The following GPM6A variants were observed in gnomAD, a reference collection of about 807,000 sequenced individuals.
The protein encoded by GPM6A is neuronal membrane glycoprotein M6-a.
In GPM6A, 7 loss-of-function variants were observed where a neutral mutation model predicts 32.1. The ratio of observed to expected loss-of-function variants is 0.22; its 90% CI spans 0.12 to 0.41. The LOEUF (loss-of-function observed/expected upper bound fraction) is 0.41, where lower values mean the gene tolerates loss of function less well. GPM6A is among the 10% of genes least tolerant of loss of function. GPM6A has a pLI of 1.00. For missense variants in GPM6A, 235 were observed against 347.2 expected (o/e 0.68, Z 2.57); for synonymous variants, 130 against 123.4 (o/e 1.05, Z -0.35).
chr4:175,636,150 C>T (rs1169846826), intron 6 of GPM6A, among the ~76,000 whole-genome samples: 1 of 150,758 alleles, frequency 6.6e-6, no homozygotes, highest in African/African-American at 2.4e-5. Context: ...TTTCTGTTTC[C>T]TCTGAAGTTT....
intron 1 of GPM6A, among the ~76,000 whole-genome samples, chr4:175,794,830 C>T (rs886522000): frequency 2.8e-5 from 1 of 35,632 alleles, no homozygotes; most frequent in Admixed American, 4.2e-4. Context: ...AGAAACTTTG[C>T]TTTGGGCCAT....
chr4:175,930,388 TA>T (rs1454211824), intron 1 of GPM6A, among the ~76,000 whole-genome samples: 5 of 138,078 alleles, frequency 3.6e-5, no homozygotes, highest in East Asian at 2.4e-4. Flanking sequence ...AGCTTAAACT[TA>T]AAAAAAAAAT....
At chr4:175,774,958 A>T (rs1733335174) in intron 1 of GPM6A, among the ~76,000 whole-genome samples, 1 of 152,106 alleles carries the variant, frequency 6.6e-6, no homozygotes, top group South Asian at 2.1e-4. Context: ...AATAAACCAG[A>T]CGATCCCAAA....
chr4:175,937,159 G>A (rs904627715), intron 1 of GPM6A, among the ~76,000 whole-genome samples: 1 of 152,046 alleles, frequency 6.6e-6, no homozygotes, highest in Non-Finnish European at 1.5e-5. Context: ...AATTATTAAT[G>A]TGCTTCTTCT....
At chr4:175,958,731 T>G (rs980852326) in intron 1 of GPM6A, among the ~76,000 whole-genome samples, 1 of 152,216 alleles carries the variant, frequency 6.6e-6, no homozygotes, top group Non-Finnish European at 1.5e-5. Context: ...ATCTGTGTTA[T>G]CTACATTGCC....
rs749396742 is a variant in GPM6A at position 175,823,981 on chromosome 4, T to C, written c.-22-11732A>G. Among the ~76,000 whole-genome samples, 11 of 152,206 alleles carry C rather than the reference T, an allele frequency of 7.2e-5. 1 individual carries two copies. Among genetic ancestry groups the C allele is most frequent in the Non-Finnish European group, 1.6e-4 (11 of 68,032 alleles). On this transcript the variant is annotated intron_variant, in intron 1 of 7. Transcript: ENST00000280187. ...GAGAAAGGTATGATTTTACACATTGTTCCTTTTTTTGTGAGTTAGGCATCT... is the reference window on the plus strand; with the variant it reads ...GAGAAAGGTATGATTTTACACATTGCTCCTTTTTTTGTGAGTTAGGCATCT...
At position 175,787,431 on chromosome 4, in the gene GPM6A, A is replaced by G; in HGVS notation, c.37+24760T>C. 3 of 1,518,116 alleles carry G rather than the reference A, an allele frequency of 2.0e-6. No homozygotes were observed. The South Asian group carries it at 3.7e-5, about 19-fold the overall frequency. 94.0% of individuals were successfully genotyped at this position (1,518,116 alleles called of 1,614,324 possible). A position where few individuals can be genotyped will look rare whatever the true frequency, so the allele number is the denominator to read the frequency against. On this transcript the variant is annotated intron_variant, in intron 1 of 6. Coordinates refer to ENST00000393658, the MANE Select transcript of GPM6A (RefSeq NM_201591.3). ...TCAAGGGCATAAGCTCTCTCCTGTGACAATTTAACATTCTGTTTCGTGTTC... is the reference window on the plus strand; with the variant it reads ...TCAAGGGCATAAGCTCTCTCCTGTGGCAATTTAACATTCTGTTTCGTGTTC...
intron 1 of GPM6A, among the ~76,000 whole-genome samples, chr4:175,886,539 G>T (rs573539548): frequency 2.0e-5 from 3 of 152,114 alleles, no homozygotes; most frequent in South Asian, 4.2e-4. Flanking sequence ...GTCCTTCTAC[G>T]GTCCAGAATC....
chr4:175,673,664 T>C lies in GPM6A; in HGVS notation c.387+16A>G. The C allele has an allele frequency of 2.5e-6, 4 of 1,578,126 alleles. No homozygotes were observed. Among genetic ancestry groups the C allele is most frequent in the South Asian group, 1.2e-5 (1 of 86,938 alleles). ...ATCAATCCACATTAAATACTGAATG[T>C]AGAGAACTAACATACCCAAGCGCTC... On this transcript the variant is annotated intron_variant, in intron 3 of 6. Coordinates refer to ENST00000393658, the MANE Select transcript of GPM6A (RefSeq NM_201591.3).
chr4:175,874,789 G>A (rs1737029002), intron 1 of GPM6A, among the ~76,000 whole-genome samples: 1 of 151,920 alleles, frequency 6.6e-6, no homozygotes, highest in South Asian at 2.1e-4. Context: ...GAAAATGGGA[G>A]AAGAGGAAAA....
intron 1 of GPM6A, among the ~76,000 whole-genome samples, chr4:175,882,819 G>A (rs1381708358): frequency 6.6e-6 from 1 of 151,948 alleles, no homozygotes; most frequent in African/African-American, 2.4e-5. Context: ...ATACAGATGA[G>A]GTAAGCAGTG....
At chr4:175,766,925 G>A (rs369982729) in intron 1 of GPM6A, among the ~76,000 whole-genome samples, 92 of 151,742 alleles carry the variant, frequency 6.1e-4, no homozygotes, top group African/African-American at 2.1e-3. Flanking sequence ...AAAGTGCTGG[G>A]TTTTCAGGTG....
chr4:175,925,297 T>C (rs1320724123), intron 1 of GPM6A, among the ~76,000 whole-genome samples: 1 of 152,240 alleles, frequency 6.6e-6, no homozygotes, highest in Non-Finnish European at 1.5e-5. Flanking sequence ...TAGATTAATT[T>C]TATGCATTAT....
intron 1 of GPM6A, among the ~76,000 whole-genome samples, chr4:175,734,246 A>G (rs1333543582): frequency 6.6e-6 from 1 of 151,854 alleles, no homozygotes; most frequent in Non-Finnish European, 1.5e-5. Flanking sequence ...GTTCAGAACC[A>G]GGTTCTGTTC....
In GPM6A at chr4:175,701,661, A is replaced by G; in HGVS notation, c.144T>C (p.His48=). The G allele has an allele frequency of 1.2e-6, 2 of 1,614,062 alleles. No individual in the cohort carries two copies. The highest frequency in any genetic ancestry group is 8.5e-7 in the Non-Finnish European group (1 of 1,179,950). Residue 48 remains histidine (H), a synonymous_variant, in exon 2 of 7, where the codon CAT becomes CAC. Coordinates refer to ENST00000393658, the MANE Select transcript of GPM6A (RefSeq NM_201591.3). ...AGVALFCGCG[H]EALSGTVNIL... ...TGTTGACAGTTCCAGAAAGCGCTTC[A>G]TGACCGCAGCCACAGAACAGGGCAA...
chr4:175,686,815 T>C (rs888005005), intron 2 of GPM6A, among the ~76,000 whole-genome samples: 2 of 152,268 alleles, frequency 1.3e-5, no homozygotes, highest in African/African-American at 4.8e-5. Flanking sequence ...TAAAGATTGC[T>C]TGAAACAAAT....
chr4:175,826,277 ATC>A (rs1272960879), intron 1 of GPM6A, among the ~76,000 whole-genome samples: 1 of 151,346 alleles, frequency 6.6e-6, no homozygotes, highest in Non-Finnish European at 1.5e-5. Flanking sequence ...GCAGAAATTA[ATC>A]TCTCTTTCTC....
At chr4:175,897,679 T>G (rs1737839757) in intron 1 of GPM6A, among the ~76,000 whole-genome samples, 1 of 152,204 alleles carries the variant, frequency 6.6e-6, no homozygotes, top group African/African-American at 2.4e-5. Flanking sequence ...AGGCATGCAC[T>G]TGAGAACTTA....
intron 1 of GPM6A, among the ~76,000 whole-genome samples, chr4:175,917,714 G>T (rs1040617849): frequency 8.5e-5 from 13 of 152,058 alleles, no homozygotes; most frequent in African/African-American, 3.1e-4. Context: ...TCTGGTATGT[G>T]GGAGGAATGA....
Sources: gnomAD v4.1 joint callset for allele counts (sites outside exome capture counted in the v4.1 genomes callset) on GRCh38, gnomAD v4.1.1 for gene constraint, MANE v1.5 for transcripts, NCBI Gene and HGNC (gene_info 2026-07-23, HGNC 2026-07-21) for gene names.